The following MYO18B variants were observed in gnomAD, a reference collection of about 807,000 sequenced individuals.
MYO18B encodes myosin XVIIIB, also known as unconventional myosin-XVIIIb.
In MYO18B, 204 loss-of-function variants were observed where a neutral mutation model predicts 273.0. The ratio of observed to expected loss-of-function variants is 0.75; its 90% CI spans 0.67 to 0.84. The LOEUF (loss-of-function observed/expected upper bound fraction) is 0.84. Among genes scored for constraint, MYO18B ranks in the 40% least tolerant of loss-of-function variants. The pLI is 0.00. For missense variants in MYO18B, 3,212 were observed against 3,287.6 expected (o/e 0.98, Z 0.56); for synonymous variants, 1,330 against 1,305.7 (o/e 1.02, Z -0.40).
intron 42 of MYO18B, among the ~76,000 whole-genome samples, chr22:26,012,098 T>A (rs1319051768): frequency 6.6e-6 from 1 of 152,200 alleles, no homozygotes; most frequent in East Asian, 1.9e-4. Context: ...AAGGTCTAAA[T>A]TACACAGTAT....
At chr22:25,785,570 C>A in intron 11 of MYO18B, 79 bp downstream of exon 11, 7 of 1,463,240 alleles carry the variant, frequency 4.8e-6, no homozygotes, top group Non-Finnish European at 6.6e-6. Context: ...CGCCGTGCAA[C>A]TTGTCTCTTT....
At chr22:25,843,340 C>A (rs564252621) in intron 17 of MYO18B, among the ~76,000 whole-genome samples, 326 of 152,242 alleles carry the variant, frequency 2.1e-3, no homozygotes, top group Non-Finnish European at 3.9e-3. Flanking sequence ...AGAAAATAAA[C>A]ATATCTTGCA....
At chr22:25,869,990 G>A (rs998147735) in intron 22 of MYO18B, among the ~76,000 whole-genome samples, 1 of 152,176 alleles carries the variant, frequency 6.6e-6, no homozygotes, top group East Asian at 1.9e-4. Context: ...GCAACTTCAC[G>A]TTTTGTTCTT....
intron 28 of MYO18B, 55 bp from the exon 29 acceptor site, chr22:25,898,252 A>G: frequency 6.4e-7 from 1 of 1,563,584 alleles, no homozygotes; most frequent in Non-Finnish European, 8.6e-7. Context: ...AATACAAAGT[A>G]AAAAGCTCGT....
chr22:25,966,226 G>C (rs1427998637), intron 39 of MYO18B, among the ~76,000 whole-genome samples: 1 of 152,098 alleles, frequency 6.6e-6, no homozygotes, highest in Admixed American at 6.6e-5. Flanking sequence ...CCAAAGTCAG[G>C]TTCTGTTTTT....
At chr22:25,861,385 T>C (rs2090732305) in intron 21 of MYO18B, among the ~76,000 whole-genome samples, 1 of 152,248 alleles carries the variant, frequency 6.6e-6, no homozygotes, top group African/African-American at 2.4e-5. Context: ...TGCTATAAAA[T>C]GTCTCCCTTT....
At chr22:25,975,219 C>T (rs951420265) in intron 39 of MYO18B, among the ~76,000 whole-genome samples, 6 of 152,150 alleles carry the variant, frequency 3.9e-5, no homozygotes, top group Admixed American at 3.3e-4. Flanking sequence ...GAGAGCACAC[C>T]GCTTAGCAGT....
At chr22:25,861,262 T>C (rs559394032) in intron 21 of MYO18B, among the ~76,000 whole-genome samples, 2 of 152,214 alleles carry the variant, frequency 1.3e-5, no homozygotes, top group South Asian at 4.1e-4. Flanking sequence ...TAATGTTAAA[T>C]TTTCTATTTA....
intron 40 of MYO18B, among the ~76,000 whole-genome samples, chr22:25,995,668 G>T (rs12485050): frequency 6.6e-6 from 1 of 152,112 alleles, no homozygotes; most frequent in Non-Finnish European, 1.5e-5. Context: ...CAGTCTTGGC[G>T]TAGGGGAGAA....
At position 25,890,843 on chromosome 22, in the gene MYO18B, C is replaced by T. The variant is rs2091639997; in HGVS notation, c.4402C>T (p.Leu1468=). ...QVLESERAER[L]QAFREVQELK... ...GCTGGAGAGTGAGCGGGCAGAGCGG[C>T]TACAGGCCTTCCGGGAGGTCCAGGA... Residue 1468 remains leucine (L), a synonymous_variant, in exon 26 of 44, where the codon CTA becomes TTA. Transcript: ENST00000335473. 1.2e-6 allele frequency: 2 copies of T among 1,613,824 alleles called. No individual in the cohort carries two copies. The highest frequency in any genetic ancestry group is 1.3e-5 in the African/African-American group (1 of 74,926).
At chr22:25,860,819 A>G (rs1458014079) in intron 21 of MYO18B, among the ~76,000 whole-genome samples, 2 of 152,036 alleles carry the variant, frequency 1.3e-5, no homozygotes, top group Non-Finnish European at 1.5e-5. Context: ...GTGGTTGTTG[A>G]GTAGTCTATA....
Position 25,777,637 on chromosome 22 carries a change from C to T in MYO18B, c.1924C>T (p.Arg642Trp), listed in dbSNP as rs375592454. The T allele has an allele frequency of 2.2e-5, 35 of 1,610,988 alleles. No homozygotes were observed. The highest frequency in any genetic ancestry group is 1.1e-4 in the African/African-American group (8 of 74,842). The change falls in exon 8 of 44, where the codon CGG becomes TGG. Residue 642 changes from arginine (R) to tryptophan (W), a missense_variant. Physicochemically the swap from Arg to Trp is moderately radical, Grantham distance 101 (BLOSUM62 -3). Coordinates refer to ENST00000335473, the MANE Select transcript of MYO18B (RefSeq NM_032608.7). The stretch of plus-strand genomic sequence containing the variant: ...TGCCCACATTGGCTCCATGGCACAG[C>T]GGGCATACTGGGCGCTGCTGAACCA... ...LPAHIGSMAQ[R>W]AYWALLNQRR...
rs2091391686 is a variant in MYO18B at position 25,883,078 on chromosome 22, G to C, written c.4314+5030G>C. Among the ~76,000 whole-genome samples, 1 of 151,734 alleles carries C rather than the reference G, an allele frequency of 6.6e-6. No individual in the cohort carries two copies. Among genetic ancestry groups the C allele is most frequent in the Non-Finnish European group, 1.5e-5 (1 of 67,912 alleles). On this transcript the variant is annotated intron_variant, in intron 25 of 43. Coordinates refer to ENST00000335473, the MANE Select transcript of MYO18B (RefSeq NM_032608.7). This position sits in a 1 kb window ranked among gnomAD's most constrained non-coding sequence, Gnocchi z 7.6. ...TGCCTGGCTGTTTTTTTTCAATTTT[G>C]GTAGAGATGGGGGTCTCACTTTGTT...
intron 21 of MYO18B, among the ~76,000 whole-genome samples, chr22:25,857,347 C>T (rs944784838): frequency 2.0e-5 from 3 of 152,328 alleles, no homozygotes; most frequent in Middle Eastern, 6.8e-3. Flanking sequence ...TTGATTTTAG[C>T]CGGCAAAATC....
chr22:25,758,247 C>T (rs2086187498), intron 1 of MYO18B, among the ~76,000 whole-genome samples: 1 of 151,744 alleles, frequency 6.6e-6, no homozygotes, highest in Admixed American at 6.6e-5. Flanking sequence ...CTCCTGACCT[C>T]GGGATCCACG....
intron 25 of MYO18B, among the ~76,000 whole-genome samples, chr22:25,889,748 C>T (rs2091606631): frequency 6.6e-6 from 1 of 152,052 alleles, no homozygotes; most frequent in Non-Finnish European, 1.5e-5. Context: ...GCCACAGAAG[C>T]CCTGCTCATT....
intron 31 of MYO18B, among the ~76,000 whole-genome samples, chr22:25,908,103 T>G (rs1008891695): frequency 1.3e-5 from 2 of 151,686 alleles, no homozygotes; most frequent in African/African-American, 4.8e-5. Flanking sequence ...GAAAGTGTGA[T>G]TGATGAGTGA....
chr22:25,824,878 G>A (rs1243406645), intron 13 of MYO18B, among the ~76,000 whole-genome samples: 1 of 151,708 alleles, frequency 6.6e-6, no homozygotes, highest in Non-Finnish European at 1.5e-5. Flanking sequence ...CATATGCACA[G>A]CACAACTTGT....
intron 29 of MYO18B, 129 bp downstream of exon 29, chr22:25,898,590 C>T: frequency 1.0e-6 from 1 of 967,398 alleles, no homozygotes; most frequent in Non-Finnish European, 1.5e-6. Context: ...ATCTTCCTCC[C>T]TGTCCCGTCA....
Sources: allele counts gnomAD v4.1 joint callset (sites outside exome capture counted in the v4.1 genomes callset), GRCh38; gene constraint gnomAD v4.1.1; non-coding constraint Gnocchi (gnomAD v3.1); transcripts MANE v1.5; gene names NCBI Gene and HGNC (gene_info 2026-07-23, HGNC 2026-07-21).